Variants in TENM4 observed in about 807,000 individuals in gnomAD.
TENM4 encodes teneurin transmembrane protein 4, also known as teneurin-4.
TENM4 carries 82 observed loss-of-function variants against 243.3 expected under a neutral mutation model. That is an observed-to-expected ratio of 0.34 (90% CI 0.28 to 0.40). The LOEUF is 0.40. TENM4 is among the 10% of genes least tolerant of loss of function. TENM4 has a pLI of 1.00. For missense variants in TENM4, 3,138 were observed against 3,673.3 expected (o/e 0.85, Z 3.77); for synonymous variants, 1,412 against 1,456.3 (o/e 0.97, Z 0.69).
rs1209837271 is a variant in TENM4 at position 78,701,946 on chromosome 11, C to T, written c.4667G>A (p.Gly1556Glu). ...ADGELYVADL[G>E]NIRIRFIRKN... ...CCGGATAAACCGAATTCGGATGTTC[C>T]CAAGGTCGGCCACGTAGAGCTCCCC... Residue 1556 changes from glycine to glutamate, a missense_variant, in exon 28 of 34, where the codon GGG becomes GAG. By Grantham distance (98) the Gly-to-Glu change is moderately conservative. This residue lies in a region of TENM4 where 2,467 missense variants were observed against 3,059.1 expected (regional missense o/e 0.81). Transcript: ENST00000278550. The T allele has an allele frequency of 6.2e-7, 1 of 1,613,976 alleles. No individual in the cohort carries two copies.
chr11:78,702,194 C>G lies in TENM4; in HGVS notation c.4419G>C (p.Leu1473Phe), dbSNP rs770588404. ...ACAGGACCCCATTGTGTGAAACAGCCAAAGCGGTGGCTGACTCCAGGGTTG... is the reference window on the plus strand; with the variant it reads ...ACAGGACCCCATTGTGTGAAACAGCGAAAGCGGTGGCTGACTCCAGGGTTG... ...IHATLESATA[L>F]AVSHNGVLYI... Residue 1473 changes from leucine to phenylalanine, a missense_variant, in exon 28 of 34, where the codon TTG becomes TTC. Coordinates refer to ENST00000278550, the MANE Select transcript of TENM4 (RefSeq NM_001098816.3). 3 of 1,613,882 alleles carry G rather than the reference C, an allele frequency of 1.9e-6. No homozygotes were observed. The African/African-American group carries it at 4.0e-5, about 22-fold the overall frequency.
intron 28 of TENM4, among the ~76,000 whole-genome samples, chr11:78,697,927 G>A (rs1859006412): frequency 6.6e-6 from 1 of 152,192 alleles, no homozygotes; most frequent in South Asian, 2.1e-4. Context: ...ACACATGGGA[G>A]GTGGGGACTG....
At chr11:79,039,937 C>G (rs1859475994) in intron 6 of TENM4, among the ~76,000 whole-genome samples, 1 of 151,914 alleles carries the variant, frequency 6.6e-6, no homozygotes, top group Non-Finnish European at 1.5e-5. Context: ...TTATATTATT[C>G]TGATGAATCA....
At chr11:79,117,330 G>T (rs2137121138) in intron 4 of TENM4, among the ~76,000 whole-genome samples, 1 of 152,234 alleles carries the variant, frequency 6.6e-6, no homozygotes, top group South Asian at 2.1e-4. Context: ...ATCTTTCTTG[G>T]TTGGCCTACA....
At chr11:79,429,905 T>C (rs1194999981) in intron 1 of TENM4, among the ~76,000 whole-genome samples, 1 of 152,192 alleles carries the variant, frequency 6.6e-6, no homozygotes, top group East Asian at 1.9e-4. Context: ...CCCAATGTTA[T>C]GGAAAAGAAA....
At chr11:79,088,174 G>A (rs1860858477) in intron 4 of TENM4, among the ~76,000 whole-genome samples, 1 of 152,220 alleles carries the variant, frequency 6.6e-6, no homozygotes, top group South Asian at 2.1e-4. Flanking sequence ...CAGTCTTGGA[G>A]GCTCCTCCAG....
chr11:79,391,737 C>G (rs529486696), intron 1 of TENM4, among the ~76,000 whole-genome samples: 18 of 152,318 alleles, frequency 1.2e-4, no homozygotes, highest in African/African-American at 4.3e-4. Context: ...AGCACAGCCT[C>G]AGACGTATCA....
intron 2 of TENM4, among the ~76,000 whole-genome samples, chr11:79,238,297 G>T (rs1160889697): frequency 6.6e-6 from 1 of 152,112 alleles, no homozygotes; most frequent in Non-Finnish European, 1.5e-5. Flanking sequence ...CCAGATATCT[G>T]GTTAAACATT....
intron 2 of TENM4, among the ~76,000 whole-genome samples, chr11:79,234,142 C>T (rs1864421837): frequency 6.6e-6 from 1 of 152,220 alleles, no homozygotes; most frequent in Non-Finnish European, 1.5e-5. Context: ...ATAAAACCCA[C>T]TTTGTACTGT....
chr11:78,930,555 T>A (rs55642799), intron 6 of TENM4, among the ~76,000 whole-genome samples: 5,729 of 152,276 alleles, frequency 0.038, 367 homozygotes, highest in African/African-American at 0.13. Flanking sequence ...TGAGCCTCGG[T>A]ACGCTCACCT....
intron 1 of TENM4, among the ~76,000 whole-genome samples, chr11:79,353,092 G>A (rs575959156): frequency 1.3e-5 from 2 of 152,244 alleles, no homozygotes; most frequent in South Asian, 4.2e-4. Flanking sequence ...GGGAAAGGAT[G>A]TAGGGCTCTT....
At chr11:79,043,722 T>C (rs1859593847) in intron 6 of TENM4, among the ~76,000 whole-genome samples, 1 of 152,174 alleles carries the variant, frequency 6.6e-6, no homozygotes, top group African/African-American at 2.4e-5. Flanking sequence ...AATGAATGAA[T>C]GGCTGAATGA....
intron 6 of TENM4, among the ~76,000 whole-genome samples, chr11:79,002,879 T>C (rs932027799): frequency 3.3e-5 from 5 of 152,108 alleles, no homozygotes; most frequent in Non-Finnish European, 5.9e-5. Flanking sequence ...AGAAACCTAA[T>C]CCAAGGATTC....
chr11:79,185,022 G>GAGCCCCTCT, intron 3 of TENM4, among the ~76,000 whole-genome samples: 1 of 152,134 alleles, frequency 6.6e-6, no homozygotes, highest in Non-Finnish European at 1.5e-5. Context: ...TGTTTAGCTG[G>GAGCCCCTCT]GCACAGTGGC....
chr11:79,362,380 A>C (rs529385544), intron 1 of TENM4, among the ~76,000 whole-genome samples: 2 of 152,352 alleles, frequency 1.3e-5, no homozygotes, highest in African/African-American at 4.8e-5. Flanking sequence ...TACTGTATAC[A>C]CGGAAATAGG....
chr11:79,439,793 G>A (rs1465922904), intron 1 of TENM4, among the ~76,000 whole-genome samples: 1 of 152,138 alleles, frequency 6.6e-6, no homozygotes, highest in African/African-American at 2.4e-5. Flanking sequence ...TTTCAACCCA[G>A]AGCACATTTC....
intron 19 of TENM4, among the ~76,000 whole-genome samples, chr11:78,746,857 A>C (rs1856063310): frequency 6.6e-6 from 1 of 152,232 alleles, no homozygotes; most frequent in African/African-American, 2.4e-5. Flanking sequence ...GAAAAATACA[A>C]GGCAGCTCTG....
In TENM4 at chr11:79,439,462, C is replaced by T. The variant is rs529492198; in HGVS notation, c.-321+1047G>A. 6.6e-4 allele frequency among the ~76,000 whole-genome samples: 101 copies of T among 152,236 alleles called. 3 individuals are homozygous for T. In the South Asian group the frequency reaches 0.021, roughly 31 times the overall value. ...TCGCCTTAACATTTTGCCCTGAAAG[C>T]GGAGCCAATTTCCAAAGTTAAGGAC... is the stretch of plus-strand genomic sequence containing the variant. On this transcript the variant is annotated intron_variant, in intron 1 of 33. Coordinates refer to ENST00000278550, the MANE Select transcript of TENM4 (RefSeq NM_001098816.3).
At chr11:79,120,784 C>T (rs143547945) in intron 4 of TENM4, among the ~76,000 whole-genome samples, 1 of 152,218 alleles carries the variant, frequency 6.6e-6, no homozygotes, top group Non-Finnish European at 1.5e-5. Context: ...GAGATGATCA[C>T]AACCAAAACC....
Sources: allele counts gnomAD v4.1 joint callset (sites outside exome capture counted in the v4.1 genomes callset), GRCh38; gene constraint gnomAD v4.1.1; regional missense constraint gnomAD v4.1.1; transcripts MANE v1.5; gene names NCBI Gene and HGNC (gene_info 2026-07-23, HGNC 2026-07-21).